Variants in ESRRG observed in about 807,000 individuals in gnomAD.
ESRRG encodes estrogen-related receptor gamma.
ESRRG carries 13 observed loss-of-function variants against 44.0 expected under a neutral mutation model. That is an observed-to-expected ratio of 0.30 (90% CI 0.19 to 0.47). ESRRG has a LOEUF of 0.47. Ranked by LOEUF, ESRRG falls within the 20% of genes least tolerant of loss-of-function variation. ESRRG has a pLI of 1.00. For synonymous variants in ESRRG, 215 were observed against 214.6 expected (o/e 1.00, Z -0.02); for missense variants, 395 against 580.6 (o/e 0.68, Z 3.29).
intron 3 of ESRRG, among the ~76,000 whole-genome samples, chr1:216,621,628 C>T (rs2062251116): frequency 6.6e-6 from 1 of 152,142 alleles, no homozygotes; most frequent in South Asian, 2.1e-4. Context: ...CTGATCAGGC[C>T]ATCTGGGGCA....
intron 2 of ESRRG, among the ~76,000 whole-genome samples, chr1:216,668,342 G>A (rs949342505): frequency 3.9e-5 from 6 of 152,128 alleles, no homozygotes; most frequent in Non-Finnish European, 5.9e-5. Flanking sequence ...CCCTTACATG[G>A]GATAGGCTCT....
intron 1 of ESRRG, among the ~76,000 whole-genome samples, chr1:217,058,381 G>A (rs2087601803): frequency 6.6e-6 from 1 of 152,088 alleles, no homozygotes; most frequent in African/African-American, 2.4e-5. Context: ...AGAGAATATT[G>A]TTTCCATAAG....
chr1:216,821,737 TAAATAAAA>T (rs912082032), intron 2 of ESRRG, among the ~76,000 whole-genome samples: 9 of 124,572 alleles, frequency 7.2e-5, no homozygotes, highest in African/African-American at 2.0e-4. Context: ...AATAAATAAA[TAAATAAAA>T]TTTAATTTAA....
chr1:216,682,625 G>A (rs1478725666), intron 1 of ESRRG, among the ~76,000 whole-genome samples: 1 of 151,764 alleles, frequency 6.6e-6, no homozygotes, highest in Non-Finnish European at 1.5e-5. Flanking sequence ...TATGGGGACT[G>A]GTTGATTTTC....
intron 2 of ESRRG, among the ~76,000 whole-genome samples, chr1:216,861,944 G>T (rs1272020524): frequency 6.6e-6 from 1 of 152,130 alleles, no homozygotes; most frequent in East Asian, 1.9e-4. Flanking sequence ...CATGAAAGAT[G>T]CTCAACATCA....
At chr1:216,982,278 A>T (rs1419071765) in intron 1 of ESRRG, among the ~76,000 whole-genome samples, 3 of 152,222 alleles carry the variant, frequency 2.0e-5, no homozygotes, top group Admixed American at 2.0e-4. Flanking sequence ...ACATGCAGGT[A>T]TAAGTTGGAT....
intron 1 of ESRRG, among the ~76,000 whole-genome samples, chr1:217,061,053 G>A (rs577915816): frequency 6.6e-6 from 1 of 151,880 alleles, no homozygotes; most frequent in African/African-American, 2.4e-5. Flanking sequence ...GGATCTTATG[G>A]ATTTGTGCTT....
At chr1:216,680,064 G>A (rs919296481) in intron 1 of ESRRG, among the ~76,000 whole-genome samples, 2 of 152,182 alleles carry the variant, frequency 1.3e-5, no homozygotes, top group Non-Finnish European at 2.9e-5. Context: ...TCTGGCCACT[G>A]GAGCCATACA....
chr1:216,641,660 T>G (rs1411224070), intron 3 of ESRRG, among the ~76,000 whole-genome samples: 1 of 152,248 alleles, frequency 6.6e-6, no homozygotes, highest in Non-Finnish European at 1.5e-5. Flanking sequence ...CCAATTTGGA[T>G]TTAAATAAGA....
At chr1:216,695,323 C>G (rs891191519) in intron 1 of ESRRG, among the ~76,000 whole-genome samples, 1 of 152,086 alleles carries the variant, frequency 6.6e-6, no homozygotes, top group Non-Finnish European at 1.5e-5. Context: ...AACACACACA[C>G]ACACACACAA....
intron 2 of ESRRG, among the ~76,000 whole-genome samples, chr1:216,873,218 T>G (rs918912335): frequency 1.4e-5 from 2 of 144,952 alleles, no homozygotes; most frequent in African/African-American, 5.4e-5. Flanking sequence ...AGTTTTTTTT[T>G]TTTTTTTTTT....
At chr1:216,930,342 C>T (rs1355583362) in intron 2 of ESRRG, among the ~76,000 whole-genome samples, 1 of 152,158 alleles carries the variant, frequency 6.6e-6, no homozygotes, top group Non-Finnish European at 1.5e-5. Context: ...CCCATGAATA[C>T]CAGGTGATCC....
intron 1 of ESRRG, among the ~76,000 whole-genome samples, chr1:216,987,613 A>T (rs1024831777): frequency 3.3e-5 from 5 of 152,210 alleles, no homozygotes; most frequent in African/African-American, 7.2e-5. Context: ...TGAAGTACTC[A>T]TTTCCTTTCT....
At chr1:216,796,068 G>A (rs1273254323) in intron 2 of ESRRG, among the ~76,000 whole-genome samples, 1 of 152,152 alleles carries the variant, frequency 6.6e-6, no homozygotes, top group African/African-American at 2.4e-5. Flanking sequence ...CTGAAACTTG[G>A]CCTCAACATC....
chr1:216,560,844 T>C (rs1157204588), intron 5 of ESRRG, among the ~76,000 whole-genome samples: 2 of 152,030 alleles, frequency 1.3e-5, no homozygotes, highest in Non-Finnish European at 2.9e-5. Flanking sequence ...CGGACGAAAT[T>C]GAAAGAGAAA....
At chr1:216,892,326 T>A (rs1169491974) in intron 2 of ESRRG, among the ~76,000 whole-genome samples, 1 of 152,130 alleles carries the variant, frequency 6.6e-6, no homozygotes, top group Admixed American at 6.6e-5. Context: ...CCTAGAGATC[T>A]GTTTATTTTG....
At chr1:216,518,558 C>T (rs2045099669) in intron 6 of ESRRG, among the ~76,000 whole-genome samples, 1 of 152,118 alleles carries the variant, frequency 6.6e-6, no homozygotes, top group African/African-American at 2.4e-5. Flanking sequence ...AAGGGAAAAA[C>T]AACAAAGCAC....
chr1:216,772,241 C>T (rs935301405), intron 2 of ESRRG, among the ~76,000 whole-genome samples: 1 of 152,138 alleles, frequency 6.6e-6, no homozygotes, highest in African/African-American at 2.4e-5. Flanking sequence ...AGCATACCTG[C>T]AGTCCTCATA....
At chr1:216,637,384 A>G (rs1269323353) in intron 3 of ESRRG, among the ~76,000 whole-genome samples, 2 of 152,238 alleles carry the variant, frequency 1.3e-5, no homozygotes, top group Non-Finnish European at 2.9e-5. Context: ...CTGTTTTAGA[A>G]TGCCTACAGC....
Sources: gnomAD v4.1 joint callset for allele counts (sites outside exome capture counted in the v4.1 genomes callset) on GRCh38, gnomAD v4.1.1 for gene constraint, MANE v1.5 for transcripts, NCBI Gene and HGNC (gene_info 2026-07-23, HGNC 2026-07-21) for gene names.